Variants in PCDH7 observed in about 807,000 individuals in gnomAD.
PCDH7 encodes protocadherin 7.
In PCDH7, 17 loss-of-function variants were observed where a neutral mutation model predicts 58.9. The ratio of observed to expected loss-of-function variants is 0.29; its 90% confidence interval spans 0.20 to 0.43. The LOEUF (loss-of-function observed/expected upper bound fraction) is 0.43, where lower values mean the gene tolerates loss of function less well. PCDH7 is among the 20% of genes least tolerant of loss of function. The pLI is 1.00. For missense variants in PCDH7, 1,274 were observed against 1,441.0 expected (o/e 0.88, Z 1.88); for synonymous variants, 664 against 616.4 (o/e 1.08, Z -1.14).
At chr4:30,839,731 G>C (rs1730968998) in intron 1 of PCDH7, among the ~76,000 whole-genome samples, 1 of 152,016 alleles carries the variant, frequency 6.6e-6, no homozygotes, top group Non-Finnish European at 1.5e-5. Flanking sequence ...AAGGATCCTG[G>C]AGCAGTATTG....
At chr4:31,082,004 T>G (rs1036367174) in intron 3 of PCDH7, among the ~76,000 whole-genome samples, 1 of 152,092 alleles carries the variant, frequency 6.6e-6, no homozygotes, top group Non-Finnish European at 1.5e-5. Context: ...AACTGGCTGG[T>G]CTCGAACTCC....
At chr4:30,827,415 T>C (rs1729241009) in intron 1 of PCDH7, among the ~76,000 whole-genome samples, 1 of 152,152 alleles carries the variant, frequency 6.6e-6, no homozygotes, top group South Asian at 2.1e-4. Flanking sequence ...TATTATTTGT[T>C]TTTCAAAAAA....
At chr4:31,033,869 A>G (rs1755163825) in intron 3 of PCDH7, among the ~76,000 whole-genome samples, 1 of 152,078 alleles carries the variant, frequency 6.6e-6, no homozygotes, top group Non-Finnish European at 1.5e-5. Context: ...TGAGGTGGGC[A>G]GATCACCGGA....
chr4:30,970,371 T>C (rs1749447192), intron 3 of PCDH7, among the ~76,000 whole-genome samples: 1 of 151,914 alleles, frequency 6.6e-6, no homozygotes, highest in Admixed American at 6.6e-5. Flanking sequence ...CTCGGCTCAC[T>C]GCAAGCTCCC....
chr4:31,100,003 G>T (rs1470155585), intron 3 of PCDH7, among the ~76,000 whole-genome samples: 2 of 146,468 alleles, frequency 1.4e-5, no homozygotes, highest in African/African-American at 4.9e-5. Context: ...GGGAGGGAGG[G>T]AGGGAAAAAG....
At chr4:30,904,820 G>A (rs1317408627) in intron 1 of PCDH7, among the ~76,000 whole-genome samples, 1 of 152,134 alleles carries the variant, frequency 6.6e-6, no homozygotes, top group Non-Finnish European at 1.5e-5. Flanking sequence ...TAAAAGGTTT[G>A]GGTGCCAAAG....
At chr4:30,965,040 A>G (rs950107786) in intron 3 of PCDH7, among the ~76,000 whole-genome samples, 9 of 152,312 alleles carry the variant, frequency 5.9e-5, no homozygotes, top group African/African-American at 2.2e-4. Flanking sequence ...ATCCATAAGA[A>G]ATGAATATAT....
chr4:31,012,847 T>A (rs1001024778), intron 3 of PCDH7, among the ~76,000 whole-genome samples: 4 of 149,662 alleles, frequency 2.7e-5, no homozygotes, highest in African/African-American at 9.7e-5. Context: ...CCACAAAAAA[T>A]AAAATGAAAT....
At chr4:30,964,245 TA>T (rs5857215) in intron 3 of PCDH7, among the ~76,000 whole-genome samples, 30,759 of 96,316 alleles carry the variant, frequency 0.32, 3,675 homozygotes, top group African/African-American at 0.51. Flanking sequence ...TTTATTTATT[TA>T]TTTATTTTTT....
chr4:30,866,425 A>T (rs144236108), intron 1 of PCDH7, among the ~76,000 whole-genome samples: 127 of 152,172 alleles, frequency 8.3e-4, no homozygotes, highest in African/African-American at 2.8e-3. Context: ...GCAAAATGAG[A>T]TCTGTTTGAC....
chr4:30,724,472 A>G, exon 1 of PCDH7: 1 of 1,613,966 alleles, frequency 6.2e-7, no homozygotes, highest in Non-Finnish European at 8.5e-7. Context: ...GCAGGAAAAA[A>G]ACACCAGGCC....
intron 1 of PCDH7, among the ~76,000 whole-genome samples, chr4:30,900,038 G>A (rs149076970): frequency 3.7e-4 from 57 of 152,172 alleles, no homozygotes; most frequent in East Asian, 2.7e-3. Flanking sequence ...AAACCATATC[G>A]TCTGATGTTT....
chr4:30,790,168 T>C (rs1396109497), intron 1 of PCDH7, among the ~76,000 whole-genome samples: 1 of 152,238 alleles, frequency 6.6e-6, no homozygotes, highest in Non-Finnish European at 1.5e-5. Context: ...AAATACACTT[T>C]AGTTGAACTG....
intron 3 of PCDH7, among the ~76,000 whole-genome samples, chr4:31,021,443 G>A (rs2109169692): frequency 6.6e-6 from 1 of 152,242 alleles, no homozygotes; most frequent in East Asian, 1.9e-4. Context: ...TTTGAAAAAG[G>A]CAGTTCTGAC....
intron 3 of PCDH7, among the ~76,000 whole-genome samples, chr4:31,097,628 ATATATAT>A (rs1261448848): frequency 0.017 from 709 of 42,472 alleles, 68 homozygotes; most frequent in African/African-American, 0.062. Context: ...ATATATATAT[ATATATAT>A]ATAAATCTTT....
intron 1 of PCDH7, among the ~76,000 whole-genome samples, chr4:30,823,607 C>G (rs921139246): frequency 4.6e-5 from 7 of 151,972 alleles, no homozygotes; most frequent in Admixed American, 3.3e-4. Context: ...TCTTTGATAG[C>G]GAGAACCATT....
At chr4:30,745,441 C>T (rs1215090981) in intron 1 of PCDH7, among the ~76,000 whole-genome samples, 1 of 151,992 alleles carries the variant, frequency 6.6e-6, no homozygotes, top group East Asian at 1.9e-4. Flanking sequence ...AGCTGGCTTT[C>T]AGATAATCCT....
intron 3 of PCDH7, among the ~76,000 whole-genome samples, chr4:31,081,045 C>T (rs1759456282): frequency 6.6e-6 from 1 of 152,150 alleles, no homozygotes; most frequent in Non-Finnish European, 1.5e-5. Flanking sequence ...TCCTTTAAAC[C>T]TCTTTTTCTT....
chr4:30,916,590 AC>A (rs1328264740), intron 1 of PCDH7, among the ~76,000 whole-genome samples: 2 of 152,224 alleles, frequency 1.3e-5, no homozygotes, highest in Non-Finnish European at 1.5e-5. Flanking sequence ...TTTACAAGAC[AC>A]AAAATCGTTT....
Sources: allele counts gnomAD v4.1 joint callset (sites outside exome capture counted in the v4.1 genomes callset), GRCh38; gene constraint gnomAD v4.1.1; transcripts MANE v1.5; gene names NCBI Gene and HGNC (gene_info 2026-07-23, HGNC 2026-07-21).